Variants in CFAP53 observed in about 807,000 individuals in gnomAD.
CFAP53 encodes the protein cilia and flagella associated protein 53.
In CFAP53, 62 loss-of-function variants were observed where a neutral mutation model predicts 59.7. The ratio of observed to expected loss-of-function variants is 1.04; its 90% CI spans 0.85 to 1.28. CFAP53 has a LOEUF of 1.28. Among genes scored for constraint, CFAP53 ranks in the 50% most tolerant of loss-of-function variants. The pLI is 0.00. For missense variants in CFAP53, 629 were observed against 615.6 expected, an observed-to-expected ratio of 1.02 and a Z score of -0.23; for synonymous variants, 218 against 205.7, an observed-to-expected ratio of 1.06 and a Z score of -0.51.
intron 7 of CFAP53, among the ~76,000 whole-genome samples, chr18:50,229,968 G>A (rs1301330147): frequency 6.6e-6 from 1 of 151,964 alleles, no homozygotes; most frequent in Non-Finnish European, 1.5e-5. Flanking sequence ...ATGTTGCACA[G>A]GCCGGTCTCA....
At chr18:50,264,880 TG>T (rs200322218) in intron 1 of CFAP53, among the ~76,000 whole-genome samples, 1,792 of 152,348 alleles carry the variant, frequency 0.012, 16 homozygotes, top group Non-Finnish European at 0.02. Flanking sequence ...CTGTCCTTCA[TG>T]AAGTGTGTTT....
In CFAP53 at chr18:50,227,207, T is replaced by G; in HGVS notation, c.*174A>C. 1.7e-6 allele frequency: 1 copy of G among 580,998 alleles called. No homozygotes were observed. Among genetic ancestry groups the G allele is most frequent in the South Asian group, 2.4e-5 (1 of 42,410 alleles). 36.0% of individuals were successfully genotyped at this position (580,998 alleles called of 1,614,324 possible). On this transcript the variant is annotated 3_prime_UTR_variant, in exon 8 of 8. Transcript: ENST00000398545. ...TAAGTAGATCATTTGGATTTGTAAG[T>G]CTGTGAACTCCAAAATAGGCACAGG...
chr18:50,238,075 GTATAATCA>G (rs1206379502), intron 7 of CFAP53, among the ~76,000 whole-genome samples: 1 of 152,152 alleles, frequency 6.6e-6, no homozygotes, highest in African/African-American at 2.4e-5. Context: ...TAACTTATGT[GTATAATCA>G]TAATATACAT....
chr18:50,250,787 C>T lies in CFAP53; in HGVS notation c.967G>A (p.Glu323Lys), dbSNP rs773446860. 6.2e-7 allele frequency: 1 copy of T among 1,614,162 alleles called. No individual in the cohort carries two copies. The highest frequency in any genetic ancestry group is 8.5e-7 in the Non-Finnish European group (1 of 1,180,004). Residue 323 changes from glutamate to lysine, a missense_variant, in exon 5 of 8, where the codon GAA (glutamate) becomes AAA (lysine). Coordinates refer to ENST00000398545, the MANE Select transcript of CFAP53 (RefSeq NM_145020.5). ...LVQRALQDLQ[E>K]EADKKKQKRE... ...TTTTGTTTCTTTTTATCTGCCTCTT[C>T]CTGTAAGTCTTGAAGGGCCCTTTGC...
rs1158074113 is a variant in CFAP53, at chr18:50,251,798, T to C, written c.474-14A>G. ...TCACAGCGTTCCCTGAAAGGAAAAT[T>C]TTAAAAAGACAAAACCCAGCCTTTC... On this transcript the variant is annotated splice_polypyrimidine_tract_variant and intron_variant, in intron 3 of 7. Coordinates refer to ENST00000398545, the MANE Select transcript of CFAP53 (RefSeq NM_145020.5). The C allele has an allele frequency of 1.2e-5, 20 of 1,609,412 alleles. No individual in the cohort carries two copies. The highest frequency in any genetic ancestry group is 1.7e-5 in the Non-Finnish European group (20 of 1,177,470).
At chr18:50,264,690 T>C (rs2033921106) in intron 1 of CFAP53, among the ~76,000 whole-genome samples, 1 of 152,238 alleles carries the variant, frequency 6.6e-6, no homozygotes, top group African/African-American at 2.4e-5. Context: ...GCACCAACTC[T>C]AACCTCCTCC....
At chr18:50,258,556 G>C (rs1274182552) in intron 3 of CFAP53, among the ~76,000 whole-genome samples, 2 of 152,144 alleles carry the variant, frequency 1.3e-5, no homozygotes, top group African/African-American at 4.8e-5. Context: ...AAGATTTCTT[G>C]AGCAATACCC....
chr18:50,249,224 G>T (rs1164755566), intron 5 of CFAP53, among the ~76,000 whole-genome samples: 1 of 84,324 alleles, frequency 1.2e-5, no homozygotes, highest in African/African-American at 4.4e-5. Context: ...AAAAAAAAAA[G>T]AATAAAAAGA....
chr18:50,230,970 C>T (rs1023310441), intron 7 of CFAP53, among the ~76,000 whole-genome samples: 13 of 152,152 alleles, frequency 8.5e-5, no homozygotes, highest in South Asian at 4.1e-4. Flanking sequence ...ATCAGGCTGG[C>T]GGAACCAGGA....
intron 3 of CFAP53, among the ~76,000 whole-genome samples, chr18:50,259,975 A>T (rs1302345941): frequency 1.3e-5 from 2 of 152,230 alleles, no homozygotes; most frequent in African/African-American, 2.4e-5. Flanking sequence ...AGCTCTAGGG[A>T]GGGAGACTAT....
At chr18:50,245,336 T>C (rs1208343757) in intron 5 of CFAP53, among the ~76,000 whole-genome samples, 4 of 145,478 alleles carry the variant, frequency 2.7e-5, no homozygotes, top group Admixed American at 7.0e-5. Context: ...GAGCCGAGAT[T>C]GCACCACTGC....
rs545187910 is a variant in CFAP53, at chr18:50,232,568, C to T, written c.1317-4959G>A. On this transcript the variant is annotated intron_variant, in intron 7 of 7. Coordinates refer to ENST00000398545, the MANE Select transcript of CFAP53 (RefSeq NM_145020.5). ...TTTTAAAAGCCCTGCCTGGCTTACTCTCTCTGCCACAAGCTCAGCCACTGG... is the reference window on the plus strand; with the variant it reads ...TTTTAAAAGCCCTGCCTGGCTTACTTTCTCTGCCACAAGCTCAGCCACTGG... 4.7e-4 allele frequency among the ~76,000 whole-genome samples: 71 copies of T among 152,360 alleles called. 1 individual carries two copies. In the Middle Eastern group the frequency reaches 0.02, roughly 44 times the overall value.
At position 50,242,893 on chromosome 18, in the gene CFAP53, T is replaced by A. The variant is rs781647380; in HGVS notation, c.1213+7A>T. 4.4e-6 allele frequency: 7 copies of A among 1,607,902 alleles called. No homozygotes were observed. The East Asian group carries it at 1.3e-4, about 31-fold the overall frequency. On this transcript the variant is annotated splice_region_variant and intron_variant, in intron 6 of 7. Transcript: ENST00000398545. ...AGCTATAATATAACTGTAATTCAGT[T>A]CCTTACACTTTTCTTGAACTTGAAG...
rs955667112 is a variant in CFAP53, at chr18:50,232,102, C to A, written c.1317-4493G>T. 5.9e-5 allele frequency among the ~76,000 whole-genome samples: 9 copies of A among 152,216 alleles called. No homozygotes were observed. The East Asian group carries it at 1.7e-3, about 29-fold the overall frequency. ...AGTAGACCTAAGTGGAACTGCTTTT[C>A]ATCTCGGCTGGACATCCTGAGAGAA... On this transcript the variant is annotated intron_variant, in intron 7 of 7. Transcript: ENST00000398545.
At chr18:50,265,686 T>C (rs1352244704) in intron 1 of CFAP53, among the ~76,000 whole-genome samples, 1 of 152,250 alleles carries the variant, frequency 6.6e-6, no homozygotes, top group East Asian at 1.9e-4. Context: ...TCTACATGTA[T>C]GGACCAATAG....
At chr18:50,237,304 CAAAA>C (rs143356494) in intron 7 of CFAP53, among the ~76,000 whole-genome samples, 9 of 9,334 alleles carry the variant, frequency 9.6e-4, no homozygotes, top group African/African-American at 1.9e-3. Flanking sequence ...GACTCCATCT[CAAAA>C]AAAAAAAAAA....
At chr18:50,229,106 A>G (rs932878208) in intron 7 of CFAP53, among the ~76,000 whole-genome samples, 6 of 152,130 alleles carry the variant, frequency 3.9e-5, no homozygotes, top group African/African-American at 1.4e-4. Context: ...AACAAAAACA[A>G]ACAAACAAAA....
intron 7 of CFAP53, among the ~76,000 whole-genome samples, chr18:50,236,140 G>T (rs566655697): frequency 6.6e-6 from 1 of 152,066 alleles, no homozygotes. Flanking sequence ...CAAACACCTC[G>T]GCTGACAGAA....
chr18:50,228,844 C>A (rs532913088), intron 7 of CFAP53, among the ~76,000 whole-genome samples: 1 of 151,910 alleles, frequency 6.6e-6, no homozygotes, highest in Non-Finnish European at 1.5e-5. Context: ...ATAGGTCATA[C>A]ACCTAATAAT....
Sources: gnomAD v4.1 joint callset for allele counts (sites outside exome capture counted in the v4.1 genomes callset) on GRCh38, gnomAD v4.1.1 for gene constraint, MANE v1.5 for transcripts, NCBI Gene and HGNC (gene_info 2026-07-23, HGNC 2026-07-21) for gene names.